The following C17orf99 variants were observed in gnomAD, a reference collection of about 807,000 sequenced individuals.
The protein encoded by C17orf99 is protein IL-40.
Under a neutral mutation model 22.6 loss-of-function variants are expected in C17orf99, and 18 were observed. The ratio of observed to expected loss-of-function variants is 0.80; its 90% CI spans 0.55 to 1.18. The LOEUF (loss-of-function observed/expected upper bound fraction) is 1.18, where lower values mean the gene tolerates loss of function less well. Among genes scored for constraint, C17orf99 ranks in the 50% most tolerant of loss-of-function variants. The pLI, the probability that C17orf99 is intolerant of heterozygous loss-of-function variation, is 0.00. For synonymous variants in C17orf99, 147 were observed against 136.6 expected, an observed-to-expected ratio of 1.08 and a Z score of -0.53; for missense variants, 328 against 342.7, an observed-to-expected ratio of 0.96 and a Z score of 0.34.
intron 2 of C17orf99, chr17:78,157,745 C>T: frequency 6.0e-6 from 3 of 500,250 alleles, no homozygotes; most frequent in East Asian, 5.0e-5. Flanking sequence ...TGCGGTGAGC[C>T]GAGATTGTGC....
At chr17:78,149,114 C>T (rs1158470197) in intron 2 of C17orf99, among the ~76,000 whole-genome samples, 1 of 151,938 alleles carries the variant, frequency 6.6e-6, no homozygotes, top group East Asian at 1.9e-4. Context: ...GGCAGATCAC[C>T]TGAGGTCAGG....
chr17:78,159,326 G>A (rs2075554106), intron 2 of C17orf99, among the ~76,000 whole-genome samples: 1 of 151,644 alleles, frequency 6.6e-6, no homozygotes, highest in Non-Finnish European at 1.5e-5. Flanking sequence ...GACAGAGCAA[G>A]ACTCTGTCTT....
chr17:78,156,100 C>T (rs1443177172), intron 2 of C17orf99, among the ~76,000 whole-genome samples: 3 of 151,372 alleles, frequency 2.0e-5, no homozygotes, highest in African/African-American at 7.3e-5. Flanking sequence ...GAGGCCCAGG[C>T]AGGCGGATCA....
At chr17:78,165,079 G>T in intron 4 of C17orf99, 1 of 1,050,748 alleles carries the variant, frequency 9.5e-7, no homozygotes, top group Non-Finnish European at 1.1e-6. Flanking sequence ...AAGAGCCTGG[G>T]GCCCAGCCTC....
chr17:78,156,669 G>A (rs1170323443), intron 2 of C17orf99, among the ~76,000 whole-genome samples: 2 of 152,130 alleles, frequency 1.3e-5, no homozygotes, highest in African/African-American at 4.8e-5. Flanking sequence ...GGAGTGCAGT[G>A]GCACGATCAT....
rs570215546 is a variant in C17orf99, at chr17:78,164,224, A to G, written c.500A>G (p.Gln167Arg). The change falls in exon 4 of 5, where the codon CAG (glutamine) becomes CGG (arginine). Residue 167 changes from glutamine (Q) to arginine (R), a missense_variant. Physicochemically the swap from Gln to Arg is conservative, Grantham distance 43 (BLOSUM62 1). Transcript: ENST00000340363. ...AACAGCCTGATCGGGAAGGATGGGCAGGTCCACCTGCAGCAGAGACCATGC... is the reference window on the plus strand; with the variant it reads ...AACAGCCTGATCGGGAAGGATGGGCGGGTCCACCTGCAGCAGAGACCATGC... ...ITNSLIGKDG[Q>R]VHLQQRPCHR... is the part of the protein sequence containing the mutation. 25 of 1,551,606 alleles carry G rather than the reference A, an allele frequency of 1.6e-5. 1 individual carries two copies. The South Asian group carries it at 2.6e-4, about 16-fold the overall frequency.
chr17:78,161,836 CAAAAAAA>C lies in C17orf99; in HGVS notation c.370+590_370+596del, dbSNP rs527744683. The stretch of plus-strand genomic sequence containing the variant: ...TCCAGCCTGGGTAACAGAGCGTCTC[CAAAAAAA>C]AAAAAAAGAAAAAGAAACGAAAAAA... On this transcript the variant is annotated intron_variant, in intron 3 of 4. Coordinates refer to ENST00000340363, the MANE Select transcript of C17orf99 (RefSeq NM_001163075.2). 9.9e-3 allele frequency among the ~76,000 whole-genome samples: 779 copies of C among 78,874 alleles called. 4 individuals carry two copies. The highest frequency in any genetic ancestry group is 0.033 in the African/African-American group (696 of 20,876). 51.7% of individuals were successfully genotyped at this position (78,874 alleles called of 152,430 possible).
At chr17:78,161,481 G>C (rs2075576262) in intron 3 of C17orf99, among the ~76,000 whole-genome samples, 1 of 152,138 alleles carries the variant, frequency 6.6e-6, no homozygotes, top group African/African-American at 2.4e-5. Flanking sequence ...TCCTGGCAGG[G>C]GCCTGAGGGC....
intron 3 of C17orf99, among the ~76,000 whole-genome samples, chr17:78,162,596 G>A (rs2145799563): frequency 6.6e-6 from 1 of 151,980 alleles, no homozygotes; most frequent in East Asian, 1.9e-4. Context: ...TACTGGCTGG[G>A]GTCTTGAACA....
chr17:78,147,042 A>G, intron 2 of C17orf99, 131 bp downstream of exon 2: 1 of 786,454 alleles, frequency 1.3e-6, no homozygotes, highest in Non-Finnish European at 2.2e-6. Flanking sequence ...GGATGGCTGG[A>G]CAGTTCTGGA....
At position 78,166,166 on chromosome 17, in the gene C17orf99, A is replaced by G. The variant is rs1441059812; in HGVS notation, c.*120A>G. The stretch of plus-strand genomic sequence containing the variant: ...AGCTGCTCTTGCCACAAAAAAAAAA[A>G]AAAAAAAAAAAGGGTAACTATGAGA... On this transcript the variant is annotated 3_prime_UTR_variant, in exon 5 of 5. Coordinates refer to ENST00000340363, the MANE Select transcript of C17orf99 (RefSeq NM_001163075.2). The G allele has an allele frequency of 1.5e-5, 6 of 404,566 alleles. No individual in the cohort carries two copies. The highest frequency in any genetic ancestry group is 2.6e-5 in the Non-Finnish European group (6 of 229,328). 25.1% of individuals were successfully genotyped at this position (404,566 alleles called of 1,614,324 possible).
At position 78,164,196 on chromosome 17, in the gene C17orf99, A is replaced by G; in HGVS notation, c.472A>G (p.Thr158Ala). The G allele has an allele frequency of 6.4e-7, 1 of 1,551,610 alleles. No individual in the cohort carries two copies. The highest frequency in any genetic ancestry group is 1.2e-5 in the South Asian group (1 of 84,070). ...CQASSGSPPI[T>A]NSLIGKDGQV... The stretch of plus-strand genomic sequence containing the variant: ...GGCGTCCTCGGGCAGCCCACCTATC[A>G]CCAACAGCCTGATCGGGAAGGATGG... Residue 158 changes from threonine (T) to alanine (A), a missense_variant, in exon 4 of 5, where the codon ACC (threonine) becomes GCC (alanine). By Grantham distance (58) the Thr-to-Ala change is moderately conservative. Coordinates refer to ENST00000340363, the MANE Select transcript of C17orf99 (RefSeq NM_001163075.2).
chr17:78,164,159 G>A lies in C17orf99; in HGVS notation c.435G>A (p.Glu145=), dbSNP rs2075599569. Residue 145 remains glutamate (E), a synonymous_variant, in exon 4 of 5, where the codon GAG becomes GAA. Coordinates refer to ENST00000340363, the MANE Select transcript of C17orf99 (RefSeq NM_001163075.2). ...ACAGAGGGGCAGGCCCCAGGGTGGA[G>A]ATGATCTGCCAGGCGTCCTCGGGCA... The part of the protein sequence containing the change: ...LQDRGAGPRV[E]MICQASSGSP... The A allele has an allele frequency of 6.4e-7, 1 of 1,551,642 alleles. No individual in the cohort carries two copies.
chr17:78,151,423 C>CA (rs35828431), intron 2 of C17orf99, among the ~76,000 whole-genome samples: 750 of 55,146 alleles, frequency 0.014, 45 homozygotes, highest in East Asian at 0.016. Context: ...GACTCTGTCT[C>CA]AAAAAAAAAA....
intron 2 of C17orf99, among the ~76,000 whole-genome samples, chr17:78,154,441 G>C (rs138485579): frequency 6.6e-6 from 1 of 151,380 alleles, no homozygotes; most frequent in Non-Finnish European, 1.5e-5. Context: ...CCAGCTACTC[G>C]GGCAGCTGAG....
At chr17:78,155,625 C>G (rs1455214177) in intron 2 of C17orf99, among the ~76,000 whole-genome samples, 3 of 151,926 alleles carry the variant, frequency 2.0e-5, no homozygotes, top group African/African-American at 7.2e-5. Flanking sequence ...CTGATACACA[C>G]TATTCTTTTT....
chr17:78,148,768 G>A (rs1469011629), intron 2 of C17orf99, among the ~76,000 whole-genome samples: 1 of 152,200 alleles, frequency 6.6e-6, no homozygotes, highest in Non-Finnish European at 1.5e-5. Flanking sequence ...GGCATGGTGT[G>A]GGGTTGGCCG....
At chr17:78,162,266 A>G (rs1336672639) in intron 3 of C17orf99, among the ~76,000 whole-genome samples, 1 of 135,672 alleles carries the variant, frequency 7.4e-6, no homozygotes, top group African/African-American at 2.8e-5. Flanking sequence ...ACAGCGTAAG[A>G]CTATCTCAAA....
At chr17:78,148,451 C>T (rs1185873191) in intron 2 of C17orf99, among the ~76,000 whole-genome samples, 3 of 151,942 alleles carry the variant, frequency 2.0e-5, no homozygotes, top group African/African-American at 7.3e-5. Flanking sequence ...ATTGCTTGTC[C>T]GGGAAGTGAG....
Sources: allele counts gnomAD v4.1 joint callset (sites outside exome capture counted in the v4.1 genomes callset), GRCh38; gene constraint gnomAD v4.1.1; transcripts MANE v1.5; gene names NCBI Gene and HGNC (gene_info 2026-07-23, HGNC 2026-07-21).